Variants in NOX4 observed in about 807,000 individuals in gnomAD.
NOX4 encodes the protein kidney oxidase-1.
In NOX4, 69 loss-of-function variants were observed where a neutral mutation model predicts 87.6. The ratio of observed to expected loss-of-function variants is 0.79; its 90% CI spans 0.65 to 0.96. The LOEUF (loss-of-function observed/expected upper bound fraction) is 0.96, where lower values mean the gene tolerates loss of function less well. Among genes scored for constraint, NOX4 ranks in the 40% least tolerant of loss-of-function variants. The pLI is 0.00. For synonymous variants in NOX4, 275 were observed against 238.2 expected, an observed-to-expected ratio of 1.15 and a Z score of -1.42; for missense variants, 680 against 681.5, an observed-to-expected ratio of 1.00 and a Z score of 0.02.
At chr11:89,418,434 TAATAATAATAA>T (rs1249824638) in intron 8 of NOX4, among the ~76,000 whole-genome samples, 1 of 112,048 alleles carries the variant, frequency 8.9e-6, no homozygotes, top group East Asian at 2.9e-4. Flanking sequence ...ATAATAATAA[TAATAATAATAA>T]TAATAATAAT....
the NOX4 span, among the ~76,000 whole-genome samples, chr11:89,550,092 G>A: frequency 3.0e-4 from 46 of 152,116 alleles, no homozygotes; most frequent in South Asian, 8.9e-3. Flanking sequence ...TCACAATGCT[G>A]GAACTAATTT....
At chr11:89,551,476 C>T in the NOX4 span, among the ~76,000 whole-genome samples, 27 of 152,062 alleles carry the variant, frequency 1.8e-4, no homozygotes, top group African/African-American at 6.5e-4. Flanking sequence ...CTCTTATTTC[C>T]TTGAGCAGTG....
At chr11:89,328,383 G>A (rs182433549) in intron 17 of NOX4, among the ~76,000 whole-genome samples, 6 of 152,168 alleles carry the variant, frequency 3.9e-5, no homozygotes, top group Non-Finnish European at 7.4e-5. Flanking sequence ...TCTCAGAAAC[G>A]TATCACCTTA....
rs111500867 is a variant in NOX4 at position 89,444,494 on chromosome 11, T to C, written c.350-262A>G. Among the ~76,000 whole-genome samples the C allele has an allele frequency of 4.3e-3, 485 of 112,626 alleles. 1 individual carries two copies. The highest frequency in any genetic ancestry group is 0.017 in the African/African-American group (438 of 25,200). The allele number at this position is 112,626 out of a possible 152,430, so 73.9% of individuals were successfully genotyped here. On this transcript the variant is annotated intron_variant, in intron 4 of 17. Coordinates refer to ENST00000263317, the MANE Select transcript of NOX4 (RefSeq NM_016931.5). ...ACACACACACACACACACACACACA[T>C]ACACACACACATCCTCCCCCTAACA...
intron 12 of NOX4, among the ~76,000 whole-genome samples, chr11:89,357,669 GTGT>G (rs1938175868): frequency 6.6e-6 from 1 of 152,098 alleles, no homozygotes; most frequent in East Asian, 1.9e-4. Flanking sequence ...ACAGCTATAT[GTGT>G]TATGATATTC....
chr11:89,492,118 T>C (rs1220694934), upstream of NOX4: 2 of 152,206 alleles, frequency 1.3e-5, no homozygotes, highest in Non-Finnish European at 2.9e-5. Flanking sequence ...TTTGTTTTAA[T>C]ACCTAGTCTG....
intron 5 of NOX4, among the ~76,000 whole-genome samples, chr11:89,442,516 CATATGGAGAGAATGAG>C: frequency 1.3e-5 from 2 of 151,984 alleles, no homozygotes; most frequent in Admixed American, 1.3e-4. Flanking sequence ...ATGGCATAGT[CATATGGAGAGAATGAG>C]ATAGATTAAG....
intron 11 of NOX4, among the ~76,000 whole-genome samples, chr11:89,397,496 C>CA (rs1565236566): frequency 1.3e-5 from 2 of 151,916 alleles, no homozygotes; most frequent in South Asian, 2.1e-4. Flanking sequence ...GAGAGAGACA[C>CA]AAAAAACACT....
intron 2 of NOX4, among the ~76,000 whole-genome samples, chr11:89,458,519 T>C (rs969553537): frequency 1.3e-5 from 2 of 152,054 alleles, no homozygotes; most frequent in African/African-American, 2.4e-5. Flanking sequence ...ACAGACAACC[T>C]ACAGAATGGA....
chr11:89,357,745 CAA>C (rs1938179962), intron 12 of NOX4, among the ~76,000 whole-genome samples: 1 of 152,064 alleles, frequency 6.6e-6, no homozygotes, highest in South Asian at 2.1e-4. Flanking sequence ...TAAAAGCAAA[CAA>C]AATTCGGAAT....
chr11:89,579,775 T>C, the NOX4 span, among the ~76,000 whole-genome samples: 23 of 152,186 alleles, frequency 1.5e-4, no homozygotes, highest in Admixed American at 6.5e-4. Context: ...TCGCTTTTTC[T>C]GTAAAACAAA....
At chr11:89,367,598 T>C (rs1290668126) in intron 12 of NOX4, among the ~76,000 whole-genome samples, 3 of 152,088 alleles carry the variant, frequency 2.0e-5, no homozygotes, top group Non-Finnish European at 4.4e-5. Context: ...ACTCAAAAGA[T>C]AAAGTCTTCC....
intron 16 of NOX4, 103 bp downstream of exon 16, chr11:89,337,344 A>C (rs1734120055): frequency 1.1e-5 from 17 of 1,541,626 alleles, no homozygotes; most frequent in African/African-American, 1.4e-5. Context: ...CCTCTAGGAA[A>C]CTTCTGTTCG....
chr11:89,473,007 T>G (rs1013109501), intron 2 of NOX4, among the ~76,000 whole-genome samples: 4 of 152,216 alleles, frequency 2.6e-5, no homozygotes, highest in African/African-American at 9.6e-5. Context: ...GAAAAAGGTT[T>G]GACCTCTTTG....
chr11:89,431,539 AG>A (rs537460282), intron 7 of NOX4, among the ~76,000 whole-genome samples: 46 of 152,338 alleles, frequency 3.0e-4, no homozygotes, highest in African/African-American at 9.9e-4. Context: ...AAGTAGGCAA[AG>A]GATATGAACA....
chr11:89,400,023 G>A lies in NOX4; in HGVS notation c.1068C>T (p.Leu356=), dbSNP rs1354478646. 1.2e-6 allele frequency: 2 copies of A among 1,605,924 alleles called. No individual in the cohort carries two copies. Among genetic ancestry groups the A allele is most frequent in the Non-Finnish European group, 1.7e-6 (2 of 1,174,126 alleles). ...CAAGAGATATGTTTCTTACCATTGT[G>A]AGGGTAAATGGATGATTTTCTAATG... ...VSALENHPFT[L]TMCPTETKAT... The change falls in exon 11 of 18, where the codon CTC becomes CTT. Residue 356 remains leucine, a synonymous_variant. Transcript: ENST00000263317.
chr11:89,451,070 G>C (rs1182839131), intron 3 of NOX4, among the ~76,000 whole-genome samples: 1 of 127,150 alleles, frequency 7.9e-6, no homozygotes, highest in East Asian at 2.6e-4. Flanking sequence ...TTGTGGGGTG[G>C]GGGGAGGGGG....
chr11:89,477,102 A>G (rs2135459710), intron 2 of NOX4, among the ~76,000 whole-genome samples: 1 of 152,238 alleles, frequency 6.6e-6, no homozygotes, highest in East Asian at 1.9e-4. Flanking sequence ...CATTACATTT[A>G]TTGTGCACTT....
chr11:89,342,637 A>G (rs1238824755), intron 13 of NOX4, among the ~76,000 whole-genome samples: 2 of 152,188 alleles, frequency 1.3e-5, no homozygotes, highest in Non-Finnish European at 2.9e-5. Flanking sequence ...AACATTTACT[A>G]TGTGAACAGA....
Sources: allele counts gnomAD v4.1 joint callset (sites outside exome capture counted in the v4.1 genomes callset), GRCh38; gene constraint gnomAD v4.1.1; transcripts MANE v1.5; gene names NCBI Gene and HGNC (gene_info 2026-07-23, HGNC 2026-07-21).